The following DMC1 variants were observed in gnomAD, a reference collection of about 807,000 sequenced individuals.
DMC1 encodes DNA meiotic recombinase 1, also known as meiotic recombination protein DMC1 homolog.
DMC1 carries 27 observed loss-of-function variants against 50.1 expected under a neutral mutation model. The observed-to-expected ratio is 0.54, with a 90% CI of 0.40 to 0.74. The LOEUF (loss-of-function observed/expected upper bound fraction) is 0.74. Among genes scored for constraint, DMC1 ranks in the 30% least tolerant of loss-of-function variants. The pLI, the probability that DMC1 is intolerant of heterozygous loss-of-function variation, is 0.00. For missense variants in DMC1, 295 were observed against 420.2 expected, an observed-to-expected ratio of 0.70 and a Z score of 2.60; for synonymous variants, 148 against 136.1, an observed-to-expected ratio of 1.09 and a Z score of -0.61.
At chr22:38,541,933 A>G (rs1378230040) in intron 8 of DMC1, among the ~76,000 whole-genome samples, 1 of 151,944 alleles carries the variant, frequency 6.6e-6, no homozygotes, top group East Asian at 1.9e-4. Context: ...TCAATGTGAT[A>G]TATCAACAGA....
the DMC1 span, among the ~76,000 whole-genome samples, chr22:38,512,623 T>C: frequency 6.6e-6 from 1 of 152,202 alleles, no homozygotes; most frequent in Non-Finnish European, 1.5e-5. Context: ...AGAGTATGAA[T>C]AATGAGAGCT....
the DMC1 span, among the ~76,000 whole-genome samples, chr22:38,510,416 T>C: frequency 6.6e-6 from 1 of 152,052 alleles, no homozygotes; most frequent in Admixed American, 6.5e-5. Flanking sequence ...GATGGCACCA[T>C]TGCACTCCAA....
chr22:38,521,959 C>CT lies in DMC1; in HGVS notation c.837-236dup, dbSNP rs780182352. On this transcript the variant is annotated intron_variant, in intron 12 of 13. Coordinates refer to ENST00000216024, the MANE Select transcript of DMC1 (RefSeq NM_007068.4). The stretch of plus-strand genomic sequence containing the variant: ...GATAAATAGTTTATATTTTGTTTGA[C>CT]TTTTTTTTTTTGAGATGGAGTCTAG... Among the ~76,000 whole-genome samples the CT allele has an allele frequency of 3.2e-4, 47 of 145,190 alleles. 1 individual carries two copies. The highest frequency in any genetic ancestry group is 8.3e-4 in the Admixed American group (12 of 14,450).
intron 12 of DMC1, among the ~76,000 whole-genome samples, chr22:38,530,934 G>C (rs1278162819): frequency 1.3e-5 from 2 of 152,138 alleles, no homozygotes; most frequent in African/African-American, 4.8e-5. Context: ...GCCAGGTGTG[G>C]TGGCATGCTC....
rs760981205 is a variant in DMC1 at position 38,538,416 on chromosome 22, AG to A, written c.661-8del. 6.2e-7 allele frequency: 1 copy of A among 1,613,200 alleles called. No individual in the cohort carries two copies. Among genetic ancestry groups the A allele is most frequent in the South Asian group, 1.1e-5 (1 of 91,060 alleles). On this transcript the variant is annotated splice_polypyrimidine_tract_variant and splice_region_variant and intron_variant, in intron 10 of 13. Coordinates refer to ENST00000216024, the MANE Select transcript of DMC1 (RefSeq NM_007068.4). Reference sequence around the variant, plus strand: ...CCATTATTGAATCGATAATCTACACAGGATTAATGTAAAAATAAACATGCAT... The same window carrying A: ...CCATTATTGAATCGATAATCTACACAGATTAATGTAAAAATAAACATGCAT...
intron 12 of DMC1, among the ~76,000 whole-genome samples, chr22:38,528,824 T>C (rs2090124129): frequency 1.3e-5 from 2 of 152,216 alleles, no homozygotes; most frequent in East Asian, 1.9e-4. Context: ...ATAACTATTA[T>C]TTAACTAAAC....
At chr22:38,543,411 A>G (rs1006683250) in intron 8 of DMC1, among the ~76,000 whole-genome samples, 1 of 151,956 alleles carries the variant, frequency 6.6e-6, no homozygotes, top group African/African-American at 2.4e-5. Context: ...TTGTATTTTT[A>G]GTAGAGATGG....
At chr22:38,562,465 C>A in intron 4 of DMC1, 96 bp from the exon 5 acceptor site, 1 of 859,600 alleles carries the variant, frequency 1.2e-6, no homozygotes, top group Non-Finnish European at 2.0e-6. Context: ...TTATTAAGAT[C>A]ATCATTTGGT....
At chr22:38,539,180 G>A in intron 9 of DMC1, 141 bp downstream of exon 9, 3 of 650,522 alleles carry the variant, frequency 4.6e-6, no homozygotes, top group Middle Eastern at 4.1e-4. Context: ...CTTACCAGAT[G>A]ATAAAATTTA....
In DMC1 at chr22:38,566,593, T is replaced by C; in HGVS notation, c.240A>G (p.Leu80=). 1 of 1,614,160 alleles carries C rather than the reference T, an allele frequency of 6.2e-7. No homozygotes were observed. The highest frequency in any genetic ancestry group is 8.5e-7 in the Non-Finnish European group (1 of 1,180,006). ...GCAAAGAATGGATTTTGCTTACAAT[T>C]AGTTTGTTCGCTGCCTCTTTAATCT... ...VDKIKEAANK[L]IEPGFLTAFE... Residue 80 remains leucine (L), a synonymous_variant, in exon 4 of 14, where the codon CTA becomes CTG. Transcript: ENST00000216024.
intron 8 of DMC1, among the ~76,000 whole-genome samples, chr22:38,548,949 C>T (rs2090374438): frequency 6.6e-6 from 1 of 152,178 alleles, no homozygotes. Context: ...TAACTATTCT[C>T]CTAGTATCTA....
At chr22:38,514,672 C>T (rs1036202259), downstream of DMC1, among the ~76,000 whole-genome samples, 1 of 152,166 alleles carries the variant, frequency 6.6e-6, no homozygotes, top group Non-Finnish European at 1.5e-5. Flanking sequence ...TCTGGTTGTC[C>T]TCATTGCTCA....
At chr22:38,543,596 AG>A (rs2145893067) in intron 8 of DMC1, among the ~76,000 whole-genome samples, 1 of 152,254 alleles carries the variant, frequency 6.6e-6, no homozygotes, top group East Asian at 1.9e-4. Context: ...CAGTATGTTC[AG>A]CTCCCCTGTT....
At chr22:38,547,602 A>G (rs911793556) in intron 8 of DMC1, among the ~76,000 whole-genome samples, 2 of 151,372 alleles carry the variant, frequency 1.3e-5, no homozygotes, top group African/African-American at 2.4e-5. Context: ...GTGCAATGGC[A>G]CGATCTCGGC....
intron 5 of DMC1, among the ~76,000 whole-genome samples, chr22:38,556,967 G>A (rs1458225288): frequency 6.6e-6 from 1 of 152,204 alleles, no homozygotes. Context: ...CATGGGCTAA[G>A]CGATCAACCC....
Position 38,569,276 on chromosome 22 carries a change from C to A in DMC1, c.-34+767G>T, listed in dbSNP as rs539963213. On this transcript the variant is annotated intron_variant, in intron 1 of 13. Coordinates refer to ENST00000216024, the MANE Select transcript of DMC1 (RefSeq NM_007068.4). ...ACATTGTAGACTCAAAAAGAAATCT[C>A]AGGAATCCACAAGGCGTGATTGTGT... The A allele has an allele frequency of 4.6e-5, 7 of 151,988 alleles. No individual in the cohort carries two copies. In the East Asian group the frequency reaches 1.4e-3, roughly 29 times the overall value. 9.4% of individuals were successfully genotyped at this position (151,988 alleles called of 1,614,324 possible).
At chr22:38,545,731 A>G (rs2090336902) in intron 8 of DMC1, 1 of 152,160 alleles carries the variant, frequency 6.6e-6, no homozygotes, top group Admixed American at 6.6e-5. Flanking sequence ...AAAACAATTT[A>G]AAATGAAAAA....
intron 12 of DMC1, among the ~76,000 whole-genome samples, chr22:38,528,938 T>C (rs1207623616): frequency 1.3e-5 from 2 of 152,216 alleles, no homozygotes; most frequent in African/African-American, 4.8e-5. Flanking sequence ...AACCAAGTCT[T>C]GAGGTGAAGT....
chr22:38,562,118 G>A (rs2090533602), intron 5 of DMC1, among the ~76,000 whole-genome samples, 169 bp downstream of exon 5: 1 of 151,852 alleles, frequency 6.6e-6, no homozygotes, highest in Non-Finnish European at 1.5e-5. Flanking sequence ...GCTCCTCCAA[G>A]CAGTCTAGAA....
Sources: allele counts gnomAD v4.1 joint callset (sites outside exome capture counted in the v4.1 genomes callset), GRCh38; gene constraint gnomAD v4.1.1; transcripts MANE v1.5; gene names NCBI Gene and HGNC (gene_info 2026-07-23, HGNC 2026-07-21).